Variants in UNC93B1 observed in about 807,000 individuals in gnomAD.
UNC93B1 encodes unc-93B1 regulator of TLR signaling.
Under a neutral mutation model 56.8 loss-of-function variants are expected in UNC93B1, and 33 were observed. The ratio of observed to expected loss-of-function variants is 0.58; its 90% confidence interval spans 0.44 to 0.78. The LOEUF (loss-of-function observed/expected upper bound fraction) is 0.78, where lower values mean the gene tolerates loss of function less well. UNC93B1 is among the 30% of genes least tolerant of loss of function. The pLI is 0.00. For missense variants in UNC93B1, 673 were observed against 819.5 expected (o/e 0.82, Z 2.18); for synonymous variants, 334 against 358.6 (o/e 0.93, Z 0.77).
chr11:67,999,415 CA>C, intron 4 of UNC93B1, 103 bp downstream of exon 4: 1 of 1,548,940 alleles, frequency 6.5e-7, no homozygotes, highest in Non-Finnish European at 8.7e-7. Context: ...AACTGAGGCC[CA>C]GAGGGCGGAA....
At chr11:68,001,655 A>AAAT (rs1487292806) in intron 3 of UNC93B1, among the ~76,000 whole-genome samples, 4 of 151,656 alleles carry the variant, frequency 2.6e-5, no homozygotes, top group African/African-American at 4.9e-5. Flanking sequence ...ACTCTGTCTC[A>AAAT]AATAATAATA....
chr11:67,993,113 T>C lies in UNC93B1; in HGVS notation c.1482+563A>G, dbSNP rs551265875. Reference sequence around the variant, plus strand: ...AAGTGATTCTCCTGCCTCAGCCTCCTGAGTAGCTGTGATTACAGGCACCTG... The same window carrying C: ...AAGTGATTCTCCTGCCTCAGCCTCCCGAGTAGCTGTGATTACAGGCACCTG... On this transcript the variant is annotated intron_variant, in intron 10 of 10. Coordinates refer to ENST00000227471, the MANE Select transcript of UNC93B1 (RefSeq NM_030930.4). 2.6e-4 allele frequency among the ~76,000 whole-genome samples: 39 copies of C among 152,156 alleles called. No individual in the cohort carries two copies. The East Asian group carries it at 5.6e-3, about 22-fold the overall frequency.
At position 67,998,543 on chromosome 11, in the gene UNC93B1, T is replaced by C. The variant is rs553406249; in HGVS notation, c.688-91A>G. 9 of 1,329,234 alleles carry C rather than the reference T, an allele frequency of 6.8e-6. No homozygotes were observed. In the South Asian group the frequency reaches 7.6e-5, roughly 11 times the overall value. 82.3% of individuals were successfully genotyped at this position (1,329,234 alleles called of 1,614,324 possible). A position where few individuals can be genotyped will look rare whatever the true frequency, so the allele number is the denominator to read the frequency against. ...TCTGGGGAGGGGTCCAGGCACAGCC[T>C]TGGGGGAACAGGGGCCTTCCCAGTT... On this transcript the variant is annotated intron_variant, in intron 5 of 10. Coordinates refer to ENST00000227471, the MANE Select transcript of UNC93B1 (RefSeq NM_030930.4).
In UNC93B1 at chr11:68,003,536, G is replaced by A. The variant is rs1371952212; in HGVS notation, c.238+121C>T. The A allele has an allele frequency of 8.1e-5, 109 of 1,345,006 alleles. No homozygotes were observed. Among genetic ancestry groups the A allele is most frequent in the Non-Finnish European group, 1.0e-4 (105 of 1,035,934 alleles). 83.3% of individuals were successfully genotyped at this position (1,345,006 alleles called of 1,614,324 possible). A position where few individuals can be genotyped will look rare whatever the true frequency, so the allele number is the denominator to read the frequency against. On this transcript the variant is annotated intron_variant, in intron 2 of 10. Coordinates refer to ENST00000227471, the MANE Select transcript of UNC93B1 (RefSeq NM_030930.4). This position sits in a 1 kb window ranked among gnomAD's most constrained non-coding sequence, Gnocchi z 4.4. The stretch of plus-strand genomic sequence containing the variant: ...ACCCCCGCCGCGGGGGGCCGTGGCT[G>A]CAGCTGCGAGGGCAGCGGAGGGGAA...
At position 67,993,780 on chromosome 11, in the gene UNC93B1, A is replaced by G. The variant is rs1326028871; in HGVS notation, c.1378T>C (p.Leu460=). 8.8e-7 allele frequency: 1 copy of G among 1,134,784 alleles called. No homozygotes were observed. Among genetic ancestry groups the G allele is most frequent in the Admixed American group, 2.0e-5 (1 of 50,798 alleles). 70.3% of individuals were successfully genotyped at this position (1,134,784 alleles called of 1,614,324 possible). A position where few individuals can be genotyped will look rare whatever the true frequency, so the allele number is the denominator to read the frequency against. The change falls in exon 10 of 11, where the codon TTG becomes CTG. Residue 460 remains leucine (L), a synonymous_variant. Coordinates refer to ENST00000227471, the MANE Select transcript of UNC93B1 (RefSeq NM_030930.4). ...TCCTGTCTCTCCTTGTCTTCGTACA[A>G]GATTCCCAGGAGTGCTGCAGGCAGG... The part of the protein sequence containing the change: ...KTGLSTLLGI[L]YEDKERQDFI...
In UNC93B1 at chr11:67,999,153, A is replaced by G. The variant is rs780303961; in HGVS notation, c.687+20T>C. ...GTGGGTCTGCCCCTGCCACCCAACA[A>G]TGGCCCACGTGGCACTCACATGGAA... On this transcript the variant is annotated intron_variant, in intron 5 of 10. Transcript: ENST00000227471. The G allele has an allele frequency of 1.2e-6, 2 of 1,613,680 alleles. No individual in the cohort carries two copies. The highest frequency in any genetic ancestry group is 8.5e-7 in the Non-Finnish European group (1 of 1,179,758).
Position 68,003,960 on chromosome 11 carries a change from C to A in UNC93B1, c.84G>T (p.Gly28=). The change falls in exon 1 of 11, where the codon GGG becomes GGT. Residue 28 remains glycine (G), a synonymous_variant. Coordinates refer to ENST00000227471, the MANE Select transcript of UNC93B1 (RefSeq NM_030930.4). The surrounding 1 kb of genome is among the most constrained non-coding windows in gnomAD (Gnocchi z 4.4). ...GGTCCCCGCTCACCGGGGCCTCGGG[C>A]CCGTCCGGGACCCCGAGCAGGTCCT... ...GDEDLLGVPD[G]PEAPLDELVG... is the part of the protein sequence containing the mutation. 1 of 1,393,296 alleles carries A rather than the reference C, an allele frequency of 7.2e-7. No individual in the cohort carries two copies. The allele number at this position is 1,393,296 out of a possible 1,614,324, so 86.3% of individuals were successfully genotyped here.
chr11:68,000,627 C>T (rs1005023817), intron 3 of UNC93B1, among the ~76,000 whole-genome samples: 2 of 151,918 alleles, frequency 1.3e-5, no homozygotes, highest in African/African-American at 2.4e-5. Context: ...ATCGCGTCAC[C>T]GCACTCCAGC....
At chr11:67,992,388 A>T (rs1271166931) in intron 10 of UNC93B1, among the ~76,000 whole-genome samples, 40 of 109,106 alleles carry the variant, frequency 3.7e-4, no homozygotes, top group African/African-American at 1.4e-3. Context: ...TCCCCCACCC[A>T]CTGCTGGAGC....
chr11:68,001,202 A>C (rs992141328), intron 3 of UNC93B1, among the ~76,000 whole-genome samples: 12 of 152,262 alleles, frequency 7.9e-5, no homozygotes, highest in Middle Eastern at 3.4e-3. Context: ...TTCAAAAAAA[A>C]AGTAAAAATA....
chr11:68,002,227 C>T (rs538070834), intron 3 of UNC93B1, among the ~76,000 whole-genome samples: 103 of 149,626 alleles, frequency 6.9e-4, no homozygotes, highest in African/African-American at 2.5e-3. Flanking sequence ...CACACGGGCA[C>T]GTCCACACAC....
intron 3 of UNC93B1, 106 bp from the exon 4 acceptor site, chr11:67,999,786 G>A (rs1283779628): frequency 1.1e-5 from 15 of 1,426,922 alleles, no homozygotes; most frequent in South Asian, 1.4e-5. Context: ...GGCTTTGTGA[G>A]GTAGAGAGAG....
chr11:68,002,745 G>C (rs901117385), intron 3 of UNC93B1, among the ~76,000 whole-genome samples: 4 of 152,208 alleles, frequency 2.6e-5, no homozygotes, highest in Non-Finnish European at 5.9e-5. Context: ...GAGGCCACGA[G>C]GAGGGTGCCA....
At chr11:68,002,931 C>T (rs909990916) in intron 3 of UNC93B1, 91 bp downstream of exon 3, 4 of 1,460,980 alleles carry the variant, frequency 2.7e-6, no homozygotes, top group South Asian at 1.3e-5. Flanking sequence ...CCCACAAACA[C>T]CCCGGCAGAT....
At chr11:67,995,017 G>A (rs923465933) in intron 9 of UNC93B1, among the ~76,000 whole-genome samples, 8 of 152,204 alleles carry the variant, frequency 5.3e-5, no homozygotes, top group Non-Finnish European at 1.2e-4. Context: ...CTGGACTCTG[G>A]TACTGAGCAG....
At chr11:68,001,903 G>GGAGGCCAAGGCAGGAGAATCAC (rs1376574595) in intron 3 of UNC93B1, among the ~76,000 whole-genome samples, 2 of 152,050 alleles carry the variant, frequency 1.3e-5, no homozygotes, top group African/African-American at 4.8e-5. Flanking sequence ...CAGCACTTTG[G>GGAGGCCAAGGCAGGAGAATCAC]GAGGCCAAGG....
intron 9 of UNC93B1, among the ~76,000 whole-genome samples, chr11:67,994,415 A>G (rs1590759104): frequency 6.6e-6 from 1 of 152,146 alleles, no homozygotes; most frequent in Non-Finnish European, 1.5e-5. Context: ...CTGAAGTTCT[A>G]AAGTGAGAAA....
chr11:68,001,964 T>C (rs1160105600), intron 3 of UNC93B1, among the ~76,000 whole-genome samples: 6 of 151,788 alleles, frequency 4.0e-5, no homozygotes, highest in Admixed American at 3.9e-4. Flanking sequence ...GTCAACATAG[T>C]GAAACCCCAT....
chr11:67,996,138 C>T (rs1032272413), intron 8 of UNC93B1, among the ~76,000 whole-genome samples: 1 of 149,260 alleles, frequency 6.7e-6, no homozygotes, highest in African/African-American at 2.5e-5. Flanking sequence ...TACCCCCCTG[C>T]GATGGGGGTC....
Sources: gnomAD v4.1 joint callset for allele counts (sites outside exome capture counted in the v4.1 genomes callset) on GRCh38, gnomAD v4.1.1 for gene constraint, Gnocchi (gnomAD v3.1) non-coding constraint, MANE v1.5 for transcripts, NCBI Gene and HGNC (gene_info 2026-07-23, HGNC 2026-07-21) for gene names.